The following TMEM63C variants were observed in gnomAD, a reference collection of about 807,000 sequenced individuals.
The protein encoded by TMEM63C is osmosensitive cation channel TMEM63C.
A neutral mutation model predicts 99.2 loss-of-function variants in TMEM63C; 32 were observed. The observed-to-expected ratio is 0.32, with a 90% CI of 0.24 to 0.43. The LOEUF is 0.43. Among genes scored for constraint, TMEM63C ranks in the 20% least tolerant of loss-of-function variants. TMEM63C has a pLI of 1.00. For synonymous variants in TMEM63C, 376 were observed against 397.9 expected (o/e 0.94, Z 0.66); for missense variants, 826 against 1,053.0 (o/e 0.78, Z 2.98).
intron 2 of TMEM63C, among the ~76,000 whole-genome samples, chr14:77,215,752 T>C (rs906112667): frequency 6.6e-6 from 1 of 152,098 alleles, no homozygotes; most frequent in Non-Finnish European, 1.5e-5. Context: ...ACAGCCTGAC[T>C]CTCAGTAAAC....
At chr14:77,218,398 G>A (rs1434251898) in intron 2 of TMEM63C, among the ~76,000 whole-genome samples, 3 of 152,150 alleles carry the variant, frequency 2.0e-5, no homozygotes, top group African/African-American at 7.2e-5. Flanking sequence ...TGAACACAGC[G>A]GTTTTGACTT....
intron 19 of TMEM63C, 79 bp from the exon 20 acceptor site, chr14:77,248,688 G>A: frequency 6.6e-7 from 1 of 1,516,902 alleles, no homozygotes; most frequent in Non-Finnish European, 9.1e-7. Context: ...GAGCTGCCAG[G>A]AGGCTGATGA....
At chr14:77,203,258 T>C (rs1263116004) in intron 1 of TMEM63C, among the ~76,000 whole-genome samples, 2 of 146,542 alleles carry the variant, frequency 1.4e-5, no homozygotes, top group Non-Finnish European at 1.5e-5. Context: ...GGTGGGCGCC[T>C]GTAGTCCCAG....
intron 1 of TMEM63C, among the ~76,000 whole-genome samples, chr14:77,203,907 C>G (rs992647853): frequency 3.3e-5 from 5 of 152,268 alleles, no homozygotes; most frequent in African/African-American, 9.6e-5. Context: ...CTAGCTGGAG[C>G]TGACTCTGGG....
rs116716130 is a variant in TMEM63C, at chr14:77,231,170, A to T, written c.351-418A>T. 1.8e-3 allele frequency among the ~76,000 whole-genome samples: 278 copies of T among 152,266 alleles called. 1 individual carries two copies. Among genetic ancestry groups the T allele is most frequent in the African/African-American group, 6.3e-3 (261 of 41,554 alleles). ...ATCTGGCAGTGTGGAGTGATAGCTCATTATCTCGTCATGGGTTTCAGGTGT... is the reference window on the plus strand; with the variant it reads ...ATCTGGCAGTGTGGAGTGATAGCTCTTTATCTCGTCATGGGTTTCAGGTGT... On this transcript the variant is annotated intron_variant, in intron 6 of 23. Coordinates refer to ENST00000298351, the MANE Select transcript of TMEM63C (RefSeq NM_020431.4).
chr14:77,240,924 C>T (rs1889159301), intron 13 of TMEM63C, among the ~76,000 whole-genome samples: 1 of 145,066 alleles, frequency 6.9e-6, no homozygotes, highest in Non-Finnish European at 1.5e-5. Flanking sequence ...ATCCCTTTTC[C>T]CTTTTTCTTT....
intron 1 of TMEM63C, among the ~76,000 whole-genome samples, chr14:77,211,733 C>T (rs1420992355): frequency 6.6e-6 from 1 of 152,190 alleles, no homozygotes; most frequent in Non-Finnish European, 1.5e-5. Context: ...GACAACTTTG[C>T]CCAAGCCTAG....
At chr14:77,209,921 C>T (rs900293603) in intron 1 of TMEM63C, among the ~76,000 whole-genome samples, 1 of 151,778 alleles carries the variant, frequency 6.6e-6, no homozygotes, top group Non-Finnish European at 1.5e-5. Flanking sequence ...GATCTTCAGC[C>T]AACTCTCCAC....
At chr14:77,244,953 T>G (rs1325641395) in intron 16 of TMEM63C, among the ~76,000 whole-genome samples, 1 of 152,258 alleles carries the variant, frequency 6.6e-6, no homozygotes, top group Non-Finnish European at 1.5e-5. Context: ...TTAGCCTTGA[T>G]GGTTCTATGG....
chr14:77,218,952 G>A lies in TMEM63C; in HGVS notation c.139G>A (p.Ala47Thr), dbSNP rs374195644. The change falls in exon 3 of 24, where the codon GCC (alanine) becomes ACC (threonine). Residue 47 changes from alanine to threonine, a missense_variant. Coordinates refer to ENST00000298351, the MANE Select transcript of TMEM63C (RefSeq NM_020431.4). ...CCCCACCGTGCTGTGCCTCAACATC[G>A]CCCTGTGGGTGGTGAGTCCTGGGCA... The part of the protein sequence containing the change: ...GVPTVLCLNI[A>T]LWVLVLVVYS... The A allele has an allele frequency of 1.6e-5, 25 of 1,592,006 alleles. No individual in the cohort carries two copies. The Admixed American group carries it at 2.1e-4, about 14-fold the overall frequency.
At chr14:77,193,758 C>A (rs901383032) in intron 1 of TMEM63C, among the ~76,000 whole-genome samples, 1 of 151,682 alleles carries the variant, frequency 6.6e-6, no homozygotes, top group Non-Finnish European at 1.5e-5. Context: ...GGCTTGAACC[C>A]GGGAGGCAGA....
rs182317916 is a variant in TMEM63C at position 77,186,021 on chromosome 14, T to G, written c.-77+4127T>G. Among the ~76,000 whole-genome samples, 988 of 149,404 alleles carry G rather than the reference T, an allele frequency of 6.6e-3. 16 individuals carry two copies. The highest frequency in any genetic ancestry group is 0.023 in the African/African-American group (904 of 39,378). ...GCGACCATGTTTTGTTGTTGTTGTTTTTTTTTTTGAAACAGAGTCTCGTTC... is the reference window on the plus strand; with the variant it reads ...GCGACCATGTTTTGTTGTTGTTGTTGTTTTTTTTGAAACAGAGTCTCGTTC... On this transcript the variant is annotated intron_variant, in intron 1 of 23. Transcript: ENST00000298351.
intron 1 of TMEM63C, among the ~76,000 whole-genome samples, chr14:77,207,301 C>T (rs999354674): frequency 5.3e-5 from 8 of 152,240 alleles, no homozygotes; most frequent in African/African-American, 1.9e-4. Context: ...GATGGCGTCC[C>T]AACTCCATCT....
At position 77,220,916 on chromosome 14, in the gene TMEM63C, A is replaced by ACGTCC. The variant is rs1888686316; in HGVS notation, c.312+831_312+832insTCCCG. Among the ~76,000 whole-genome samples the ACGTCC allele has an allele frequency of 5.9e-4, 10 of 17,028 alleles. 5 individuals carry two copies. Among genetic ancestry groups the ACGTCC allele is most frequent in the South Asian group, 4.4e-3 (2 of 456 alleles). 11.2% of individuals were successfully genotyped at this position (17,028 alleles called of 152,430 possible). On this transcript the variant is annotated intron_variant, in intron 5 of 23. Transcript: ENST00000298351. ...CCCACTCACGCCCCGCCTCCCACTC[A>ACGTCC]CGCCTCCTCTCCCACCCACGCCTCC...
chr14:77,188,341 G>C (rs1336072046), intron 1 of TMEM63C, among the ~76,000 whole-genome samples: 2 of 152,120 alleles, frequency 1.3e-5, no homozygotes, highest in African/African-American at 4.8e-5. Flanking sequence ...GAATGGTGTG[G>C]GTAAACAAGG....
At chr14:77,208,244 A>G (rs1007708354) in intron 1 of TMEM63C, among the ~76,000 whole-genome samples, 1 of 152,242 alleles carries the variant, frequency 6.6e-6, no homozygotes, top group African/African-American at 2.4e-5. Context: ...TCTTCAGAAC[A>G]GAGCAGAACT....
chr14:77,237,756 C>T (rs2140123495), intron 9 of TMEM63C, among the ~76,000 whole-genome samples: 1 of 152,158 alleles, frequency 6.6e-6, no homozygotes, highest in East Asian at 1.9e-4. Flanking sequence ...AGATGACTGA[C>T]GGGGGGCCAC....
intron 1 of TMEM63C, among the ~76,000 whole-genome samples, chr14:77,193,203 T>A (rs898378350): frequency 3.9e-5 from 6 of 152,168 alleles, no homozygotes; most frequent in African/African-American, 1.4e-4. Flanking sequence ...AATTACAAAT[T>A]GAAACAAGAT....
chr14:77,231,907 G>A (rs1465472509), intron 7 of TMEM63C, among the ~76,000 whole-genome samples, 177 bp downstream of exon 7: 1 of 152,228 alleles, frequency 6.6e-6, no homozygotes, highest in African/African-American at 2.4e-5. Flanking sequence ...GACTGGAGAC[G>A]ATTCCTCCTT....
Sources: allele counts gnomAD v4.1 joint callset (sites outside exome capture counted in the v4.1 genomes callset), GRCh38; gene constraint gnomAD v4.1.1; transcripts MANE v1.5; gene names NCBI Gene and HGNC (gene_info 2026-07-23, HGNC 2026-07-21).